MCUB: variants seen among roughly 807,000 people sequenced by gnomAD.
MCUB encodes the protein mitochondrial calcium uniporter dominant negative subunit beta.
A neutral mutation model predicts 41.4 loss-of-function variants in MCUB; 46 were observed. That is an observed-to-expected ratio of 1.11 (90% CI 0.88 to 1.42). The LOEUF is 1.42. Ranked by LOEUF, MCUB falls within the 40% of genes most tolerant of loss-of-function variation. The probability of loss-of-function intolerance (pLI) is 0.00; values close to 1 mark genes in which losing one functional copy is unlikely to be tolerated. For synonymous variants in MCUB, 148 were observed against 148.2 expected (o/e 1.00, Z 0.01); for missense variants, 403 against 404.9 (o/e 1.00, Z 0.04).
chr4:109,687,539 C>G lies in MCUB; in HGVS notation c.958C>G (p.Arg320Gly). Residue 320 changes from arginine (R) to glycine (G), a missense_variant, in exon 8 of 8, where the codon CGT (arginine) becomes GGT (glycine). Physicochemically the swap from Arg to Gly is moderately radical, Grantham distance 125. Transcript: ENST00000394650. ...GGCTAAAGAATCCCTGAAACAGGCG[C>G]GTCATTCTCTCTGTTTGCAAATGCA... ...AKAKESLKQA[R>G]HSLCLQMQVE... The G allele has an allele frequency of 6.2e-7, 1 of 1,612,560 alleles. No individual in the cohort carries two copies. The highest frequency in any genetic ancestry group is 8.5e-7 in the Non-Finnish European group (1 of 1,178,870).
At position 109,628,899 on chromosome 4, in the gene MCUB, A is replaced by G. The variant is rs183697928; in HGVS notation, c.100-30112A>G. Among the ~76,000 whole-genome samples the G allele has an allele frequency of 1.1e-3, 170 of 152,234 alleles. 2 individuals are homozygous for G. Among genetic ancestry groups the G allele is most frequent in the Non-Finnish European group, 1.0e-4 (7 of 68,008 alleles). On this transcript the variant is annotated intron_variant, in intron 1 of 7. Coordinates refer to ENST00000394650, the MANE Select transcript of MCUB (RefSeq NM_017918.5). ...CTTGCTTGTTTGTCTTTATGGTTAGAATTATAGACTGGAGTCTAGGAGGAA... is the reference window on the plus strand; with the variant it reads ...CTTGCTTGTTTGTCTTTATGGTTAGGATTATAGACTGGAGTCTAGGAGGAA...
intron 1 of MCUB, among the ~76,000 whole-genome samples, chr4:109,645,676 C>G (rs1247798849): frequency 6.6e-6 from 1 of 152,138 alleles, no homozygotes; most frequent in Non-Finnish European, 1.5e-5. Flanking sequence ...TGCTTTTATA[C>G]TTTCTCTACT....
At chr4:109,570,319 A>G (rs769630466) in intron 1 of MCUB, among the ~76,000 whole-genome samples, 1 of 152,126 alleles carries the variant, frequency 6.6e-6, no homozygotes, top group African/African-American at 2.4e-5. Context: ...TTGGGAATGT[A>G]TATCTTTGTA....
At chr4:109,578,828 C>T (rs1156787351) in intron 1 of MCUB, among the ~76,000 whole-genome samples, 1 of 152,008 alleles carries the variant, frequency 6.6e-6, no homozygotes, top group Non-Finnish European at 1.5e-5. Context: ...TTTTTTGAAG[C>T]ACAGAAATAG....
intron 1 of MCUB, among the ~76,000 whole-genome samples, chr4:109,633,234 G>A (rs190843986): frequency 9.7e-4 from 148 of 152,108 alleles, no homozygotes; most frequent in Middle Eastern, 3.4e-3. Context: ...TGTTTTGCGT[G>A]TATTTGGATA....
At chr4:109,588,286 A>T (rs1727354354) in intron 1 of MCUB, among the ~76,000 whole-genome samples, 1 of 152,340 alleles carries the variant, frequency 6.6e-6, no homozygotes, top group South Asian at 2.1e-4. Flanking sequence ...AGTGAGAGTG[A>T]AATTTTGCAA....
chr4:109,579,884 T>G (rs1470524419), intron 1 of MCUB, among the ~76,000 whole-genome samples: 1 of 152,140 alleles, frequency 6.6e-6, no homozygotes, highest in Non-Finnish European at 1.5e-5. Context: ...ATAAAACTTT[T>G]TATTATTTTT....
chr4:109,565,437 GTTTCATCAACCTCTT>G (rs1726749375), intron 1 of MCUB, among the ~76,000 whole-genome samples: 1 of 152,112 alleles, frequency 6.6e-6, no homozygotes, highest in Non-Finnish European at 1.5e-5. Flanking sequence ...GACTACCAAT[GTTTCATCAACCTCTT>G]TTTTCAAAGG....
chr4:109,610,277 G>C (rs933999084), intron 1 of MCUB, among the ~76,000 whole-genome samples: 1 of 152,204 alleles, frequency 6.6e-6, no homozygotes, highest in South Asian at 2.1e-4. Flanking sequence ...CCATGTGGCC[G>C]AACTGGTACC....
At chr4:109,667,228 T>C (rs1729364554) in intron 4 of MCUB, among the ~76,000 whole-genome samples, 1 of 152,176 alleles carries the variant, frequency 6.6e-6, no homozygotes, top group Non-Finnish European at 1.5e-5. Context: ...TGGTGCTTTC[T>C]GTTTTGGAAA....
At chr4:109,606,904 GCC>G (rs1198119151) in intron 1 of MCUB, among the ~76,000 whole-genome samples, 4 of 151,776 alleles carry the variant, frequency 2.6e-5, no homozygotes, top group Admixed American at 6.6e-5. Context: ...CTGCCACCAC[GCC>G]CAGCTAATTT....
At chr4:109,643,448 G>T (rs919927217) in intron 1 of MCUB, among the ~76,000 whole-genome samples, 1 of 151,956 alleles carries the variant, frequency 6.6e-6, no homozygotes, top group Non-Finnish European at 1.5e-5. Flanking sequence ...GCCTCCCAAA[G>T]TGCTGGGATT....
intron 1 of MCUB, among the ~76,000 whole-genome samples, chr4:109,584,832 T>G (rs1423334348): frequency 6.6e-6 from 1 of 152,168 alleles, no homozygotes; most frequent in East Asian, 1.9e-4. Context: ...TTGTTGTGAT[T>G]TCTGTTCTTT....
Position 109,641,071 on chromosome 4 carries a change from G to A in MCUB, c.100-17940G>A, listed in dbSNP as rs185898067. Reference sequence around the variant, plus strand: ...GGGAGGCCCCAGGAGAGGGAGATGGGAAGGGAAAGGTTGGCAGAGCAGTCA... The same window carrying A: ...GGGAGGCCCCAGGAGAGGGAGATGGAAAGGGAAAGGTTGGCAGAGCAGTCA... On this transcript the variant is annotated intron_variant, in intron 1 of 7. Transcript: ENST00000394650. Among the ~76,000 whole-genome samples, 105 of 152,206 alleles carry A rather than the reference G, an allele frequency of 6.9e-4. 1 individual carries two copies. The highest frequency in any genetic ancestry group is 1.6e-4 in the Non-Finnish European group (11 of 68,016).
chr4:109,567,544 C>T (rs901262698), intron 1 of MCUB, among the ~76,000 whole-genome samples: 5 of 116,588 alleles, frequency 4.3e-5, no homozygotes, highest in African/African-American at 1.3e-4. Context: ...CATGGTGGCA[C>T]GTGCCTGTAA....
At chr4:109,675,624 GT>G (rs1483185652) in intron 4 of MCUB, among the ~76,000 whole-genome samples, 1 of 152,176 alleles carries the variant, frequency 6.6e-6, no homozygotes, top group Non-Finnish European at 1.5e-5. Context: ...CTTTGAGTAT[GT>G]TTCCCAAAGT....
intron 1 of MCUB, among the ~76,000 whole-genome samples, chr4:109,601,431 C>CT (rs145647460): frequency 0.03 from 4,574 of 152,262 alleles, 103 homozygotes; most frequent in Non-Finnish European, 0.044. Flanking sequence ...CATCCTTCTA[C>CT]TTTCTCTCTC....
At chr4:109,562,764 C>A (rs1440753619) in intron 1 of MCUB, among the ~76,000 whole-genome samples, 1 of 152,154 alleles carries the variant, frequency 6.6e-6, no homozygotes, top group Non-Finnish European at 1.5e-5. Flanking sequence ...TTTCTGAAGT[C>A]TTTCACACTT....
intron 1 of MCUB, among the ~76,000 whole-genome samples, chr4:109,594,775 CTT>C (rs1727517450): frequency 6.6e-6 from 1 of 150,512 alleles, no homozygotes; most frequent in African/African-American, 2.4e-5. Flanking sequence ...GAAAAATTCT[CTT>C]TCTTTTTTTT....
Sources: gnomAD v4.1 joint callset for allele counts (sites outside exome capture counted in the v4.1 genomes callset) on GRCh38, gnomAD v4.1.1 for gene constraint, MANE v1.5 for transcripts, NCBI Gene and HGNC (gene_info 2026-07-23, HGNC 2026-07-21) for gene names.